Variants in TANC2 observed in about 807,000 individuals in gnomAD.
The protein encoded by TANC2 is protein TANC2.
A neutral mutation model predicts 210.5 loss-of-function variants in TANC2; 26 were observed. That is an observed-to-expected ratio of 0.12 (90% CI 0.09 to 0.17). The LOEUF (loss-of-function observed/expected upper bound fraction) is 0.17, where lower values mean the gene tolerates loss of function less well. Among genes scored for constraint, TANC2 ranks in the 10% least tolerant of loss-of-function variants. The probability of loss-of-function intolerance (pLI) is 1.00; values close to 1 mark genes in which losing one functional copy is unlikely to be tolerated. For missense variants in TANC2, 2,129 were observed against 2,608.9 expected (o/e 0.82, Z 4.01); for synonymous variants, 931 against 967.1 (o/e 0.96, Z 0.69).
chr17:63,273,478 T>C (rs529845836), intron 9 of TANC2, among the ~76,000 whole-genome samples: 3 of 152,290 alleles, frequency 2.0e-5, no homozygotes, highest in African/African-American at 7.2e-5. Flanking sequence ...GTTAAAGTTA[T>C]GTAAGCTGTG....
intron 17 of TANC2, among the ~76,000 whole-genome samples, chr17:63,393,776 A>T (rs8064760): frequency 0.28 from 34,440 of 123,808 alleles, 5,203 homozygotes; most frequent in African/African-American, 0.43. Context: ...TATTATTATT[A>T]TTTTTTTTTT....
intron 9 of TANC2, among the ~76,000 whole-genome samples, chr17:63,268,939 C>G (rs935971015): frequency 6.6e-6 from 1 of 152,164 alleles, no homozygotes; most frequent in Non-Finnish European, 1.5e-5. Flanking sequence ...TTAGCAATCT[C>G]TATCTCTACC....
intron 13 of TANC2, among the ~76,000 whole-genome samples, chr17:63,354,290 C>T (rs995406081): frequency 1.3e-4 from 20 of 152,202 alleles, no homozygotes; most frequent in Non-Finnish European, 2.4e-4. Flanking sequence ...CCAGAAGGCC[C>T]GCATTTAAAT....
chr17:63,172,465 A>G (rs2040438439), intron 5 of TANC2, among the ~76,000 whole-genome samples: 1 of 151,970 alleles, frequency 6.6e-6, no homozygotes, highest in Non-Finnish European at 1.5e-5. Context: ...TACAGGTGTG[A>G]GCCACCGCCC....
intron 6 of TANC2, among the ~76,000 whole-genome samples, chr17:63,194,479 G>A (rs1398117701): frequency 6.6e-6 from 1 of 152,168 alleles, no homozygotes; most frequent in Non-Finnish European, 1.5e-5. Flanking sequence ...GAGCCATAGA[G>A]CAGGTCTTGA....
intron 1 of TANC2, among the ~76,000 whole-genome samples, chr17:62,971,477 G>A (rs771481182): frequency 2.0e-5 from 3 of 152,148 alleles, no homozygotes; most frequent in Non-Finnish European, 4.4e-5. Context: ...CTATAGGCAC[G>A]TGCCACCATA....
chr17:63,140,674 A>G (rs2039256851), intron 4 of TANC2, among the ~76,000 whole-genome samples: 1 of 152,210 alleles, frequency 6.6e-6, no homozygotes, highest in Non-Finnish European at 1.5e-5. Context: ...ATTCAGTGCT[A>G]TTTACTGCCG....
At chr17:63,390,915 A>G (rs976924665) in intron 17 of TANC2, 1 of 152,156 alleles carries the variant, frequency 6.6e-6, no homozygotes, top group African/African-American at 2.4e-5. Context: ...TCAAGATCCT[A>G]TCACGCCTCT....
chr17:63,386,885 C>T (rs528938615), intron 15 of TANC2, among the ~76,000 whole-genome samples: 5 of 152,130 alleles, frequency 3.3e-5, no homozygotes, highest in East Asian at 1.9e-4. Context: ...CAAAGCCTCA[C>T]GGTGTTGCCC....
chr17:63,388,516 G>A, intron 15 of TANC2, 119 bp from the exon 16 acceptor site: 1 of 1,045,266 alleles, frequency 9.6e-7, no homozygotes, highest in Non-Finnish European at 1.4e-6. Context: ...CATGAACATT[G>A]TTAGGGTGAG....
chr17:63,332,665 T>G (rs1001470123), intron 11 of TANC2: 1 of 182,968 alleles, frequency 5.5e-6, no homozygotes, highest in African/African-American at 2.4e-5. Context: ...ATTCTTAATG[T>G]AGACAGAATA....
At chr17:63,186,745 A>G (rs1449049176) in intron 5 of TANC2, among the ~76,000 whole-genome samples, 1 of 152,120 alleles carries the variant, frequency 6.6e-6, no homozygotes, top group African/African-American at 2.4e-5. Context: ...ATATTCCTCA[A>G]CCAGATTTCT....
rs182588198 is a variant in TANC2, at chr17:63,125,063, C to T, written c.322+25706C>T. The T allele has an allele frequency of 2.6e-5, 4 of 152,252 alleles. No homozygotes were observed. The East Asian group carries it at 5.8e-4, about 22-fold the overall frequency. 9.4% of individuals were successfully genotyped at this position (152,252 alleles called of 1,614,324 possible). On this transcript the variant is annotated intron_variant, in intron 4 of 27. Coordinates refer to ENST00000689528, the Ensembl canonical transcript of TANC2. ...AACATCCTTACTCCAGTAAATTTCT[C>T]GTTAAGATAGCTGAAAGGATCCCTA...
chr17:63,092,782 C>T (rs538568787), intron 3 of TANC2, among the ~76,000 whole-genome samples: 1 of 152,222 alleles, frequency 6.6e-6, no homozygotes, highest in East Asian at 1.9e-4. Flanking sequence ...CTCCGGCCAT[C>T]ATCCAAACAC....
chr17:63,356,412 G>C (rs2046783595), intron 14 of TANC2, among the ~76,000 whole-genome samples: 1 of 152,162 alleles, frequency 6.6e-6, no homozygotes, highest in South Asian at 2.1e-4. Flanking sequence ...GAAGAGGCCA[G>C]ATTTGACTAT....
At chr17:63,234,076 A>G (rs1294262309) in intron 7 of TANC2, among the ~76,000 whole-genome samples, 2 of 152,230 alleles carry the variant, frequency 1.3e-5, no homozygotes, top group Non-Finnish European at 2.9e-5. Flanking sequence ...GTCCTTGACC[A>G]TTATTGAAGA....
intron 4 of TANC2, among the ~76,000 whole-genome samples, chr17:63,108,731 C>T (rs1251939147): frequency 2.6e-5 from 4 of 151,602 alleles, no homozygotes; most frequent in African/African-American, 9.8e-5. Flanking sequence ...ATCCCTTGAA[C>T]CCGTGAGGCA....
intron 27 of TANC2, 45 bp from the exon 28 acceptor site, chr17:63,419,954 G>A (rs1419781335): frequency 6.7e-7 from 1 of 1,485,144 alleles, no homozygotes; most frequent in African/African-American, 1.4e-5. Flanking sequence ...GATTTCTCTG[G>A]ATTCAGAATA....
At chr17:63,351,717 C>G (rs1403813474) in intron 13 of TANC2, among the ~76,000 whole-genome samples, 1 of 152,120 alleles carries the variant, frequency 6.6e-6, no homozygotes, top group African/African-American at 2.4e-5. Flanking sequence ...TAAAGATGAT[C>G]TCTAACACTT....
Sources: gnomAD v4.1 joint callset for allele counts (sites outside exome capture counted in the v4.1 genomes callset) on GRCh38, gnomAD v4.1.1 for gene constraint, MANE v1.5 for transcripts, NCBI Gene and HGNC (gene_info 2026-07-23, HGNC 2026-07-21) for gene names.